Variants in KIF6 observed in about 807,000 individuals in gnomAD.
The protein encoded by KIF6 is kinesin-like protein KIF6.
Under a neutral mutation model 112.7 loss-of-function variants are expected in KIF6, and 106 were observed. That is an observed-to-expected ratio of 0.94 (90% CI 0.80 to 1.11). The LOEUF is 1.11. Ranked by LOEUF, KIF6 falls within the 50% of genes least tolerant of loss-of-function variation. The pLI, the probability that KIF6 is intolerant of heterozygous loss-of-function variation, is 0.00. For missense variants in KIF6, 929 were observed against 964.0 expected, an observed-to-expected ratio of 0.96 and a Z score of 0.48; for synonymous variants, 339 against 339.9, an observed-to-expected ratio of 1.00 and a Z score of 0.03.
chr6:39,664,715 T>G (rs1405535229), intron 3 of KIF6, among the ~76,000 whole-genome samples: 1 of 152,178 alleles, frequency 6.6e-6, no homozygotes, highest in Non-Finnish European at 1.5e-5. Flanking sequence ...CTTTTTTGCA[T>G]CCTTTCCAAA....
chr6:39,598,895 A>T (rs11753006), intron 6 of KIF6, among the ~76,000 whole-genome samples: 29,893 of 152,106 alleles, frequency 0.2, 3,126 homozygotes, highest in Admixed American at 0.29. Flanking sequence ...TACATAATTA[A>T]AAAAGCAATA....
chr6:39,675,617 C>T lies in KIF6; in HGVS notation c.252-35860G>A, dbSNP rs375867770. On this transcript the variant is annotated intron_variant, in intron 3 of 22. Coordinates refer to ENST00000287152, the MANE Select transcript of KIF6 (RefSeq NM_145027.6). ...AACAAAACCCACAAGAACACAATTC[C>T]ACCATAAAAGAGTCAGCAGGTATAA... Among the ~76,000 whole-genome samples the T allele has an allele frequency of 2.1e-4, 32 of 151,286 alleles. 1 individual carries two copies. In the South Asian group the frequency reaches 6.3e-3, roughly 30 times the overall value.
At chr6:39,699,167 A>G (rs1788724037) in intron 3 of KIF6, among the ~76,000 whole-genome samples, 1 of 152,236 alleles carries the variant, frequency 6.6e-6, no homozygotes, top group South Asian at 2.1e-4. Context: ...GTAATGTACA[A>G]TAACACAGCA....
chr6:39,538,771 T>C (rs1294501155), intron 13 of KIF6, among the ~76,000 whole-genome samples: 1 of 147,778 alleles, frequency 6.8e-6, no homozygotes, highest in Non-Finnish European at 1.5e-5. Context: ...TGCACACATA[T>C]GTTTATTGTG....
chr6:39,603,141 T>C (rs540953183), intron 6 of KIF6, among the ~76,000 whole-genome samples: 6 of 152,266 alleles, frequency 3.9e-5, no homozygotes, highest in Middle Eastern at 3.4e-3. Context: ...AAGTGAGTGT[T>C]TGGCGTCCTG....
At chr6:39,693,176 C>G (rs1333341415) in intron 3 of KIF6, among the ~76,000 whole-genome samples, 1 of 152,168 alleles carries the variant, frequency 6.6e-6, no homozygotes, top group Non-Finnish European at 1.5e-5. Flanking sequence ...AGGCCTTAAA[C>G]AAGGAAAGGA....
intron 15 of KIF6, among the ~76,000 whole-genome samples, chr6:39,407,285 C>T (rs555452548): frequency 3.9e-5 from 6 of 152,256 alleles, no homozygotes; most frequent in Non-Finnish European, 7.4e-5. Context: ...AAAAATAGAC[C>T]TGGCTTTGCT....
intron 3 of KIF6, among the ~76,000 whole-genome samples, chr6:39,680,706 C>G (rs1787462081): frequency 6.6e-6 from 1 of 152,156 alleles, no homozygotes; most frequent in African/African-American, 2.4e-5. Context: ...GTCATTAAGC[C>G]AGCAGCTTTG....
intron 10 of KIF6, among the ~76,000 whole-genome samples, chr6:39,564,951 G>A (rs1387366799): frequency 6.6e-6 from 1 of 152,200 alleles, no homozygotes; most frequent in African/African-American, 2.4e-5. Context: ...ATCCTACACT[G>A]GGGTTCCTTA....
intron 15 of KIF6, among the ~76,000 whole-genome samples, chr6:39,411,848 C>G (rs1283937392): frequency 6.6e-6 from 1 of 152,222 alleles, no homozygotes; most frequent in Non-Finnish European, 1.5e-5. Flanking sequence ...AACAACTAAT[C>G]TAGCTTGTTT....
intron 5 of KIF6, 38 bp from the exon 6 acceptor site, chr6:39,613,356 A>G (rs762887031): frequency 2.0e-6 from 3 of 1,512,806 alleles, no homozygotes; most frequent in South Asian, 1.3e-5. Flanking sequence ...GGTACTGCTG[A>G]GAATGAAAAG....
intron 3 of KIF6, among the ~76,000 whole-genome samples, chr6:39,686,709 C>T (rs1052202571): frequency 4.6e-5 from 7 of 152,158 alleles, no homozygotes; most frequent in Non-Finnish European, 8.8e-5. Flanking sequence ...AAACCAGGAC[C>T]TTCACTATAG....
intron 3 of KIF6, among the ~76,000 whole-genome samples, chr6:39,671,525 G>A (rs75221313): frequency 0.02 from 3,018 of 152,238 alleles, 96 homozygotes; most frequent in African/African-American, 0.069. Context: ...CCTGCCCTAT[G>A]TTCCTGATGG....
At chr6:39,681,920 G>T (rs951438135) in intron 3 of KIF6, among the ~76,000 whole-genome samples, 10 of 152,150 alleles carry the variant, frequency 6.6e-5, no homozygotes, top group East Asian at 1.9e-4. Context: ...AACTACAGGG[G>T]TATGTAGAGT....
At chr6:39,361,062 C>T (rs913373729) in intron 17 of KIF6, among the ~76,000 whole-genome samples, 2 of 152,152 alleles carry the variant, frequency 1.3e-5, no homozygotes, top group Non-Finnish European at 2.9e-5. Context: ...GCTGGCTCAC[C>T]TTCATGCTGA....
At chr6:39,616,855 G>A (rs1239681545) in intron 5 of KIF6, among the ~76,000 whole-genome samples, 1 of 152,178 alleles carries the variant, frequency 6.6e-6, no homozygotes, top group Non-Finnish European at 1.5e-5. Context: ...GTTTTTCAAA[G>A]TTGAAGGAAA....
chr6:39,505,611 G>A (rs778998497), intron 13 of KIF6, among the ~76,000 whole-genome samples: 9 of 152,068 alleles, frequency 5.9e-5, no homozygotes, highest in Non-Finnish European at 1.3e-4. Flanking sequence ...ATCTGACAAA[G>A]GTCTAATATT....
At chr6:39,645,366 T>C (rs569045282) in intron 3 of KIF6, among the ~76,000 whole-genome samples, 2 of 152,274 alleles carry the variant, frequency 1.3e-5, no homozygotes, top group South Asian at 4.1e-4. Context: ...TTTTTCCATT[T>C]GTATTACTCT....
Position 39,343,029 on chromosome 6 carries a change from G to C in KIF6, c.2428+680C>G. 1 of 985,428 alleles carries C rather than the reference G, an allele frequency of 1.0e-6. No homozygotes were observed. Among genetic ancestry groups the C allele is most frequent in the South Asian group, 4.7e-5 (1 of 21,290 alleles). 61.0% of individuals were successfully genotyped at this position (985,428 alleles called of 1,614,324 possible). ...GGGGAGGAGGCTAAGACAAAATGCA[G>C]GCCTGGGGTAAGGGGCCCTGGGGCT... On this transcript the variant is annotated intron_variant, in intron 22 of 22. Transcript: ENST00000287152. The surrounding 1 kb of genome is among the most constrained non-coding windows in gnomAD (Gnocchi z 4.1).
Sources: allele counts gnomAD v4.1 joint callset (sites outside exome capture counted in the v4.1 genomes callset), GRCh38; gene constraint gnomAD v4.1.1; non-coding constraint Gnocchi (gnomAD v3.1); transcripts MANE v1.5; gene names NCBI Gene and HGNC (gene_info 2026-07-23, HGNC 2026-07-21).